Variants in RIMKLA observed in about 807,000 individuals in gnomAD.
The protein encoded by RIMKLA is ribosomal modification protein rimK like family member A.
In RIMKLA, 14 loss-of-function variants were observed where a neutral mutation model predicts 32.7. The ratio of observed to expected loss-of-function variants is 0.43; its 90% confidence interval spans 0.28 to 0.67. RIMKLA has a LOEUF of 0.67. Ranked by LOEUF, RIMKLA falls within the 30% of genes least tolerant of loss-of-function variation. RIMKLA has a pLI of 0.18. For synonymous variants in RIMKLA, 176 were observed against 204.1 expected (o/e 0.86, Z 1.18); for missense variants, 410 against 519.0 (o/e 0.79, Z 2.04).
intron 1 of RIMKLA, among the ~76,000 whole-genome samples, chr1:42,390,036 C>CTTT (rs35754511): frequency 3.2e-4 from 36 of 111,660 alleles, no homozygotes; most frequent in African/African-American, 7.0e-4. Context: ...TTTTCTTTTC[C>CTTT]TTTTTTTTTT....
At chr1:42,400,737 A>G (rs569939071) in intron 2 of RIMKLA, among the ~76,000 whole-genome samples, 1 of 152,322 alleles carries the variant, frequency 6.6e-6, no homozygotes, top group South Asian at 2.1e-4. Flanking sequence ...TCTGTAGTAC[A>G]TGCAAGTAAA....
At chr1:42,389,967 A>T (rs1273716261) in intron 1 of RIMKLA, among the ~76,000 whole-genome samples, 1 of 151,996 alleles carries the variant, frequency 6.6e-6, no homozygotes, top group Non-Finnish European at 1.5e-5. Flanking sequence ...TTGTAAAGGG[A>T]AGGTGAAAAA....
At position 42,385,767 on chromosome 1, in the gene RIMKLA, CTT is replaced by C. The variant is rs879577451; in HGVS notation, c.163+4672_163+4673del. Among the ~76,000 whole-genome samples, 181 of 73,734 alleles carry C rather than the reference CTT, an allele frequency of 2.5e-3. 7 individuals are homozygous for C. Among genetic ancestry groups the C allele is most frequent in the Non-Finnish European group, 3.1e-3 (116 of 37,730 alleles). 48.4% of individuals were successfully genotyped at this position (73,734 alleles called of 152,430 possible). A position where few individuals can be genotyped will look rare whatever the true frequency, so the allele number is the denominator to read the frequency against. On this transcript the variant is annotated intron_variant, in intron 1 of 4. Coordinates refer to ENST00000431473, the MANE Select transcript of RIMKLA (RefSeq NM_173642.4). ...TCTTTCTTTCTTTCTTTCTTTCTTT[CTT>C]TGTTTCTTTGTTTGTTTGTTTCTTT...
intron 1 of RIMKLA, among the ~76,000 whole-genome samples, chr1:42,389,577 C>T (rs1294529500): frequency 2.6e-5 from 4 of 152,040 alleles, no homozygotes; most frequent in East Asian, 3.8e-4. Context: ...TTTGGGAGGC[C>T]GAGGTGGGCG....
chr1:42,405,095 G>A (rs1331504221), intron 3 of RIMKLA, among the ~76,000 whole-genome samples: 9 of 152,032 alleles, frequency 5.9e-5, no homozygotes, highest in African/African-American at 1.5e-4. Context: ...CTCTTTAAGC[G>A]TCTGCTCTTT....
Position 42,412,127 on chromosome 1 carries a change from T to G in RIMKLA, c.685+1940T>G, listed in dbSNP as rs578109517. Among the ~76,000 whole-genome samples, 4 of 152,312 alleles carry G rather than the reference T, an allele frequency of 2.6e-5. No homozygotes were observed. In the South Asian group the frequency reaches 8.3e-4, roughly 32 times the overall value. On this transcript the variant is annotated intron_variant, in intron 4 of 4. Coordinates refer to ENST00000431473, the MANE Select transcript of RIMKLA (RefSeq NM_173642.4). Reference sequence around the variant, plus strand: ...CTTGGTGAGCTGTTTTAAAACCGTTTTATAGCCTTTTTTAGATACAGTGTC... The same window carrying G: ...CTTGGTGAGCTGTTTTAAAACCGTTGTATAGCCTTTTTTAGATACAGTGTC...
intron 3 of RIMKLA, among the ~76,000 whole-genome samples, chr1:42,406,434 C>G (rs531532644): frequency 1.3e-5 from 2 of 152,188 alleles, no homozygotes; most frequent in Non-Finnish European, 2.9e-5. Context: ...CTTTCTGTTA[C>G]TATAGATTTG....
chr1:42,393,900 T>C (rs1255261458), intron 1 of RIMKLA, among the ~76,000 whole-genome samples: 4 of 152,338 alleles, frequency 2.6e-5, no homozygotes, highest in African/African-American at 9.6e-5. Context: ...TTCTCCTGCC[T>C]CAGCCTCCTG....
At chr1:42,405,707 T>G (rs1643138412) in intron 3 of RIMKLA, among the ~76,000 whole-genome samples, 1 of 152,210 alleles carries the variant, frequency 6.6e-6, no homozygotes, top group Non-Finnish European at 1.5e-5. Context: ...GGCGCTCAAA[T>G]GTGTAGACAC....
intron 4 of RIMKLA, chr1:42,412,387 C>T (rs759943320): frequency 8.2e-6 from 2 of 243,130 alleles, no homozygotes; most frequent in Non-Finnish European, 8.2e-6. Context: ...ATATTAATAT[C>T]TATTACATCC....
intron 1 of RIMKLA, among the ~76,000 whole-genome samples, chr1:42,386,406 G>T (rs1228409296): frequency 1.3e-5 from 2 of 152,018 alleles, no homozygotes; most frequent in Non-Finnish European, 2.9e-5. Flanking sequence ...ATCTGCATAT[G>T]TCAGTGTTAG....
rs1047020470 is a variant in RIMKLA, at chr1:42,424,205, A to G, written c.*9231A>G. On this transcript the variant is annotated 3_prime_UTR_variant, in exon 5 of 5. Coordinates refer to ENST00000431473, the MANE Select transcript of RIMKLA (RefSeq NM_173642.4). ...GAATGTGTCCTTGTTTTTAGAAAAT[A>G]CACATTAAATATCGAGGGATAGAGG... Among the ~76,000 whole-genome samples the G allele has an allele frequency of 2.0e-5, 3 of 152,242 alleles. No individual in the cohort carries two copies. The highest frequency in any genetic ancestry group is 4.4e-5 in the Non-Finnish European group (3 of 68,042).
chr1:42,385,864 T>C lies in RIMKLA; in HGVS notation c.163+4767T>C, dbSNP rs1478397684. Among the ~76,000 whole-genome samples the C allele has an allele frequency of 3.7e-4, 29 of 78,402 alleles. 5 individuals carry two copies. The highest frequency in any genetic ancestry group is 1.7e-3 in the East Asian group (7 of 4,158). The allele number at this position is 78,402 out of a possible 152,430, so 51.4% of individuals were successfully genotyped here. The stretch of plus-strand genomic sequence containing the variant: ...TCTTTCTCTTTCTTTCTTTCTTTCT[T>C]TCTTTCTTTCTTTCTTTCTTTCTTT... On this transcript the variant is annotated intron_variant, in intron 1 of 4. Transcript: ENST00000431473.
intron 1 of RIMKLA, among the ~76,000 whole-genome samples, chr1:42,389,325 C>CT (rs1642976848): frequency 6.6e-6 from 1 of 152,140 alleles, no homozygotes; most frequent in Admixed American, 6.5e-5. Context: ...CTTTACACAC[C>CT]TATCAAGGGA....
intron 4 of RIMKLA, chr1:42,412,699 A>C (rs1321936478): frequency 2.2e-6 from 1 of 456,800 alleles, no homozygotes. Flanking sequence ...CCAGATGATG[A>C]CTTTGGAGCA....
chr1:42,411,106 T>C (rs1570329953), intron 4 of RIMKLA, among the ~76,000 whole-genome samples: 1 of 152,032 alleles, frequency 6.6e-6, no homozygotes, highest in African/African-American at 2.4e-5. Context: ...AAGGCAGGAG[T>C]ATCACTTAAA....
At chr1:42,403,427 G>GT (rs994179143) in intron 2 of RIMKLA, among the ~76,000 whole-genome samples, 2 of 152,156 alleles carry the variant, frequency 1.3e-5, no homozygotes, top group Admixed American at 1.3e-4. Context: ...GGGCATTACG[G>GT]TGCAGTCATT....
At chr1:42,394,728 C>T (rs191621020) in intron 1 of RIMKLA, among the ~76,000 whole-genome samples, 1 of 151,832 alleles carries the variant, frequency 6.6e-6, no homozygotes, top group Admixed American at 6.5e-5. Flanking sequence ...TGCGTAAGTC[C>T]AGTTATGAAG....
chr1:42,384,571 ATGTGTATATATG>A (rs1386691278), intron 1 of RIMKLA, among the ~76,000 whole-genome samples: 3 of 145,878 alleles, frequency 2.1e-5, no homozygotes, highest in Admixed American at 1.4e-4. Flanking sequence ...ATACATATAT[ATGTGTATATATG>A]TGTGTATATA....
Sources: allele counts gnomAD v4.1 joint callset (sites outside exome capture counted in the v4.1 genomes callset), GRCh38; gene constraint gnomAD v4.1.1; transcripts MANE v1.5; gene names NCBI Gene and HGNC (gene_info 2026-07-23, HGNC 2026-07-21).